PDE3A: variants seen among roughly 807,000 people sequenced by gnomAD.
PDE3A encodes phosphodiesterase 3A, also known as cGMP-inhibited 3',5'-cyclic phosphodiesterase 3A.
A neutral mutation model predicts 98.3 loss-of-function variants in PDE3A; 43 were observed. The observed-to-expected ratio is 0.44, with a 90% CI of 0.34 to 0.56. The LOEUF (loss-of-function observed/expected upper bound fraction) is 0.56, where lower values mean the gene tolerates loss of function less well. PDE3A is among the 20% of genes least tolerant of loss of function. The probability of loss-of-function intolerance (pLI) is 0.01; values close to 1 mark genes in which losing one functional copy is unlikely to be tolerated. For missense variants in PDE3A, 1,427 were observed against 1,440.7 expected (o/e 0.99, Z 0.15); for synonymous variants, 663 against 567.9 (o/e 1.17, Z -2.38).
rs140642416 is a variant in PDE3A at position 20,487,634 on chromosome 12, C to T, written c.961-69026C>T. 3.7e-3 allele frequency among the ~76,000 whole-genome samples: 547 copies of T among 146,466 alleles called. 5 individuals are homozygous for T. Among genetic ancestry groups the T allele is most frequent in the African/African-American group, 0.013 (513 of 39,360 alleles). ...CGCCACTGCACTCCAGCCTGGGCAA[C>T]AGAGAGAGACTCAGGCTTAAGAAAA... On this transcript the variant is annotated intron_variant, in intron 1 of 15. Transcript: ENST00000359062.
chr12:20,513,035 GC>G (rs1946256517), intron 1 of PDE3A, among the ~76,000 whole-genome samples: 12 of 152,096 alleles, frequency 7.9e-5, no homozygotes, highest in African/African-American at 2.9e-4. Context: ...TTTCTGCTTT[GC>G]CAAAGGATGT....
At chr12:20,402,242 C>G (rs574682415) in intron 1 of PDE3A, among the ~76,000 whole-genome samples, 10 of 152,020 alleles carry the variant, frequency 6.6e-5, no homozygotes, top group Non-Finnish European at 1.3e-4. Context: ...CTCCGCCTCC[C>G]GGGTCAAGCA....
intron 2 of PDE3A, among the ~76,000 whole-genome samples, chr12:20,589,060 G>A (rs920728232): frequency 1.3e-5 from 2 of 151,890 alleles, no homozygotes; most frequent in African/African-American, 4.8e-5. Flanking sequence ...GTAGCTGGGA[G>A]TACAGGCGCC....
intron 15 of PDE3A, among the ~76,000 whole-genome samples, chr12:20,657,960 A>T (rs1945080967): frequency 6.6e-6 from 1 of 152,190 alleles, no homozygotes; most frequent in Non-Finnish European, 1.5e-5. Context: ...TACAACTGTG[A>T]TTCAAACCTG....
intron 1 of PDE3A, among the ~76,000 whole-genome samples, chr12:20,403,798 T>G (rs11045222): frequency 0.075 from 11,485 of 152,152 alleles, 1,311 homozygotes; most frequent in African/African-American, 0.25. Context: ...GACTATCAAT[T>G]CTAATAAATT....
intron 1 of PDE3A, among the ~76,000 whole-genome samples, chr12:20,466,237 T>C (rs530471177): frequency 1.3e-5 from 2 of 152,344 alleles, no homozygotes; most frequent in East Asian, 3.9e-4. Context: ...AACAGGATGC[T>C]TCTACGGAGC....
chr12:20,414,497 A>G (rs550527601), intron 1 of PDE3A, among the ~76,000 whole-genome samples: 1 of 152,244 alleles, frequency 6.6e-6, no homozygotes, highest in Non-Finnish European at 1.5e-5. Context: ...TTTGAAAAAT[A>G]CAATTCAGCT....
Position 20,400,377 on chromosome 12 carries a change from TG to T in PDE3A, c.960+30135del, listed in dbSNP as rs547789605. Among the ~76,000 whole-genome samples, 23 of 137,106 alleles carry T rather than the reference TG, an allele frequency of 1.7e-4. 1 individual carries two copies. The highest frequency in any genetic ancestry group is 6.4e-4 in the African/African-American group (22 of 34,558). The allele number at this position is 137,106 out of a possible 152,430, so 89.9% of individuals were successfully genotyped here. A position where few individuals can be genotyped will look rare whatever the true frequency, so the allele number is the denominator to read the frequency against. The stretch of plus-strand genomic sequence containing the variant: ...AAAGCTCATGTTGACTCGTTAACAT[TG>T]GTTTTTTTTTTTTTTTTTTTTTTTT... On this transcript the variant is annotated intron_variant, in intron 1 of 15. Transcript: ENST00000359062.
rs549238639 is a variant in PDE3A, at chr12:20,616,974, C to T, written c.1424+590C>T. Reference sequence around the variant, plus strand: ...GGTTATATTAACATCTAAAAAGAATCTTGAAGAAAATAGCTAAGGAAAGTG... The same window carrying T: ...GGTTATATTAACATCTAAAAAGAATTTTGAAGAAAATAGCTAAGGAAAGTG... On this transcript the variant is annotated intron_variant, in intron 4 of 15. Coordinates refer to ENST00000359062, the MANE Select transcript of PDE3A (RefSeq NM_000921.5). Among the ~76,000 whole-genome samples the T allele has an allele frequency of 3.9e-5, 6 of 152,068 alleles. No homozygotes were observed. In the South Asian group the frequency reaches 8.3e-4, roughly 21 times the overall value.
At chr12:20,388,433 G>A (rs147308317) in intron 1 of PDE3A, among the ~76,000 whole-genome samples, 2 of 152,076 alleles carry the variant, frequency 1.3e-5, no homozygotes, top group African/African-American at 4.8e-5. Flanking sequence ...ACCGAAACAT[G>A]TTTCAGTTTT....
rs1054401874 is a variant in PDE3A at position 20,566,206 on chromosome 12, G to GT, written c.1011+9505dup. Among the ~76,000 whole-genome samples the GT allele has an allele frequency of 4.0e-5, 6 of 151,272 alleles. No individual in the cohort carries two copies. In the South Asian group the frequency reaches 6.3e-4, roughly 16 times the overall value. On this transcript the variant is annotated intron_variant, in intron 2 of 15. Transcript: ENST00000359062. Reference sequence around the variant, plus strand: ...AACTTTGTTTTTGCTTTTTGGCGGAGTTTTTTTTTCTCCTTTTTTGGTGGT... The same window carrying GT: ...AACTTTGTTTTTGCTTTTTGGCGGAGTTTTTTTTTTCTCCTTTTTTGGTGGT...
chr12:20,470,672 T>C (rs972808401), intron 1 of PDE3A, among the ~76,000 whole-genome samples: 1 of 152,164 alleles, frequency 6.6e-6, no homozygotes, highest in African/African-American at 2.4e-5. Flanking sequence ...TCTTAAATAA[T>C]AATCTTGGAA....
chr12:20,579,012 G>A (rs1943004377), intron 2 of PDE3A, among the ~76,000 whole-genome samples: 1 of 151,980 alleles, frequency 6.6e-6, no homozygotes, highest in Non-Finnish European at 1.5e-5. Flanking sequence ...TTTCTCGGAT[G>A]TACTTTTAAG....
chr12:20,646,641 T>A (rs1200788015), intron 11 of PDE3A, 38 bp downstream of exon 11: 1 of 1,402,330 alleles, frequency 7.1e-7, no homozygotes, highest in Admixed American at 1.7e-5. Context: ...TTATGAAAGA[T>A]GGGAACAAGG....
At chr12:20,385,088 G>A (rs1387483665) in intron 1 of PDE3A, among the ~76,000 whole-genome samples, 3 of 151,930 alleles carry the variant, frequency 2.0e-5, no homozygotes, top group Non-Finnish European at 4.4e-5. Flanking sequence ...CTGGTTCTAG[G>A]TCTTTGAGGA....
chr12:20,641,324 A>C (rs1000501294), intron 10 of PDE3A, among the ~76,000 whole-genome samples: 1 of 152,020 alleles, frequency 6.6e-6, no homozygotes, highest in Admixed American at 6.6e-5. Flanking sequence ...GGAAGTTGGA[A>C]GAGAAACATG....
chr12:20,467,933 C>CAAAAAAAAAAAAAAAAAAAAAAA (rs60320142), intron 1 of PDE3A, among the ~76,000 whole-genome samples: 2 of 35,676 alleles, frequency 5.6e-5, no homozygotes, highest in Admixed American at 6.4e-4. Context: ...GACTCCTTCT[C>CAAAAAAAAAAAAAAAAAAAAAAA]AAAAAAAAAA....
At position 20,621,284 on chromosome 12, in the gene PDE3A, T is replaced by C. The variant is rs2121480306; in HGVS notation, c.1425-12T>C. On this transcript the variant is annotated splice_polypyrimidine_tract_variant and intron_variant, in intron 4 of 15. Transcript: ENST00000359062. ...TAATTTTCTTTTAATTCTGTCTTTC[T>C]GGTGCTTTTAGTCCTGATTCTTGGA... is the stretch of plus-strand genomic sequence containing the variant. 7.2e-7 allele frequency: 1 copy of C among 1,396,968 alleles called. No individual in the cohort carries two copies. The highest frequency in any genetic ancestry group is 1.0e-6 in the Non-Finnish European group (1 of 982,802). 86.5% of individuals were successfully genotyped at this position (1,396,968 alleles called of 1,614,324 possible). A position where few individuals can be genotyped will look rare whatever the true frequency, so the allele number is the denominator to read the frequency against.
intron 1 of PDE3A, among the ~76,000 whole-genome samples, chr12:20,428,246 A>G (rs906782876): frequency 6.6e-6 from 1 of 152,112 alleles, no homozygotes; most frequent in East Asian, 1.9e-4. Context: ...AATCCTGAAA[A>G]TGTAATTCTG....
Sources: allele counts gnomAD v4.1 joint callset (sites outside exome capture counted in the v4.1 genomes callset), GRCh38; gene constraint gnomAD v4.1.1; transcripts MANE v1.5; gene names NCBI Gene and HGNC (gene_info 2026-07-23, HGNC 2026-07-21).